NKAIN3: variants seen among roughly 807,000 people sequenced by gnomAD.
NKAIN3 encodes sodium/potassium-transporting ATPase subunit beta-1-interacting protein 3.
In NKAIN3, 25 loss-of-function variants were observed where a neutral mutation model predicts 30.2. The ratio of observed to expected loss-of-function variants is 0.83; its 90% CI spans 0.60 to 1.16. The LOEUF (loss-of-function observed/expected upper bound fraction) is 1.16. Ranked by LOEUF, NKAIN3 falls within the 50% of genes most tolerant of loss-of-function variation. The pLI is 0.00. For missense variants in NKAIN3, 225 were observed against 254.1 expected (o/e 0.89, Z 0.78); for synonymous variants, 91 against 89.6 (o/e 1.02, Z -0.09).
At chr8:62,883,382 G>C (rs1821046245) in intron 4 of NKAIN3, among the ~76,000 whole-genome samples, 1 of 146,876 alleles carries the variant, frequency 6.8e-6, no homozygotes, top group Non-Finnish European at 1.5e-5. Flanking sequence ...ATATAGGAAA[G>C]TGATTGACTT....
chr8:62,970,060 T>TA lies in NKAIN3; in HGVS notation c.*4662dup, dbSNP rs66951140. 4.3e-4 allele frequency among the ~76,000 whole-genome samples: 65 copies of TA among 151,134 alleles called. No individual in the cohort carries two copies. The highest frequency in any genetic ancestry group is 1.2e-3 in the African/African-American group (48 of 41,020). ...AACAAACAAATAAACAAAAAATACC[T>TA]AAAAAAAAATTTAAATTAGCCAAGC... is the stretch of plus-strand genomic sequence containing the variant. On this transcript the variant is annotated 3_prime_UTR_variant, in exon 7 of 7. Transcript: ENST00000623646.
chr8:62,536,021 C>T (rs1386793519), intron 1 of NKAIN3, among the ~76,000 whole-genome samples: 2 of 152,030 alleles, frequency 1.3e-5, no homozygotes, highest in Admixed American at 1.3e-4. Flanking sequence ...AATATATATC[C>T]TAACACCACA....
Position 62,966,389 on chromosome 8 carries a change from A to G in NKAIN3, c.*982A>G. 1 of 984,710 alleles carries G rather than the reference A, an allele frequency of 1.0e-6. No homozygotes were observed. The highest frequency in any genetic ancestry group is 1.2e-6 in the Non-Finnish European group (1 of 829,292). The allele number at this position is 984,710 out of a possible 1,614,324, so 61.0% of individuals were successfully genotyped here. ...TGATATGGGAAGCAATTATCTGTGG[A>G]AAAAAGGACTGTCTTGAAAACGCAT... On this transcript the variant is annotated 3_prime_UTR_variant, in exon 7 of 7. Transcript: ENST00000623646.
intron 3 of NKAIN3, among the ~76,000 whole-genome samples, chr8:62,620,293 A>T (rs1379374543): frequency 6.6e-6 from 1 of 152,094 alleles, no homozygotes; most frequent in Non-Finnish European, 1.5e-5. Flanking sequence ...GGGTCTTATG[A>T]TCTTCACAGG....
intron 1 of NKAIN3, among the ~76,000 whole-genome samples, chr8:62,485,752 G>A (rs750600030): frequency 2.0e-5 from 3 of 152,134 alleles, no homozygotes; most frequent in Admixed American, 6.6e-5. Flanking sequence ...AATCTAAACC[G>A]GACAATGATC....
chr8:62,414,581 TTTTC>T (rs1804372091), intron 1 of NKAIN3, among the ~76,000 whole-genome samples: 1 of 152,098 alleles, frequency 6.6e-6, no homozygotes, highest in African/African-American at 2.4e-5. Flanking sequence ...TTTCTAGATA[TTTTC>T]TATAAATTGG....
At chr8:62,489,224 A>C (rs910893185) in intron 1 of NKAIN3, among the ~76,000 whole-genome samples, 4 of 146,950 alleles carry the variant, frequency 2.7e-5, no homozygotes, top group Middle Eastern at 3.4e-3. Context: ...ATGGGGTTTC[A>C]CCATGTTAGC....
chr8:62,407,546 G>A (rs555006047), intron 1 of NKAIN3, among the ~76,000 whole-genome samples: 15 of 151,934 alleles, frequency 9.9e-5, no homozygotes, highest in South Asian at 8.3e-4. Flanking sequence ...TACAAGGCAC[G>A]CACCACCACA....
intron 4 of NKAIN3, among the ~76,000 whole-genome samples, chr8:62,901,716 C>T (rs1821619556): frequency 6.6e-6 from 1 of 152,136 alleles, no homozygotes; most frequent in African/African-American, 2.4e-5. Flanking sequence ...AGCAGGATTC[C>T]CTACTACGAA....
intron 4 of NKAIN3, among the ~76,000 whole-genome samples, chr8:62,777,173 C>A (rs1257886912): frequency 2.0e-5 from 3 of 152,060 alleles, no homozygotes; most frequent in African/African-American, 7.2e-5. Flanking sequence ...GTTTGAGGAG[C>A]CTTCTTTAGG....
At position 62,479,707 on chromosome 8, in the gene NKAIN3, G is replaced by C. The variant is rs78651669; in HGVS notation, c.55-99832G>C. ...AGAGAGGAGAAAAAAGGTATCTATG[G>C]CCTCTGTGATCCTGAGGATCACGGC... is the stretch of plus-strand genomic sequence containing the variant. On this transcript the variant is annotated intron_variant, in intron 1 of 6. Coordinates refer to ENST00000623646, the MANE Select transcript of NKAIN3 (RefSeq NM_001304533.3). Among the ~76,000 whole-genome samples the C allele has an allele frequency of 1.4e-4, 22 of 152,262 alleles. No individual in the cohort carries two copies. In the East Asian group the frequency reaches 4.3e-3, roughly 29 times the overall value.
intron 3 of NKAIN3, among the ~76,000 whole-genome samples, chr8:62,703,082 A>G (rs1482125973): frequency 2.6e-5 from 4 of 152,112 alleles, no homozygotes; most frequent in Non-Finnish European, 5.9e-5. Context: ...ATATTCCAAA[A>G]TAGCTCATTA....
At chr8:62,417,116 C>T (rs1308590232) in intron 1 of NKAIN3, among the ~76,000 whole-genome samples, 1 of 151,818 alleles carries the variant, frequency 6.6e-6, no homozygotes, top group Non-Finnish European at 1.5e-5. Context: ...ACATCTCCAT[C>T]CTCCTGACTA....
chr8:62,314,168 A>G (rs942952386), intron 1 of NKAIN3, among the ~76,000 whole-genome samples: 2 of 152,176 alleles, frequency 1.3e-5, no homozygotes, highest in Admixed American at 6.5e-5. Context: ...CCATAATGTA[A>G]CACAATATTG....
chr8:62,448,723 C>T (rs959198093), intron 1 of NKAIN3, among the ~76,000 whole-genome samples: 5 of 151,892 alleles, frequency 3.3e-5, no homozygotes, highest in African/African-American at 1.2e-4. Context: ...ATGTGGAAGA[C>T]TATTGCTACA....
chr8:62,549,383 A>T (rs1173544408), intron 1 of NKAIN3, among the ~76,000 whole-genome samples: 1 of 152,030 alleles, frequency 6.6e-6, no homozygotes, highest in African/African-American at 2.4e-5. Context: ...TTTTTGTTTA[A>T]TTTAAAATTT....
chr8:62,277,170 G>A (rs1482223932), intron 1 of NKAIN3, among the ~76,000 whole-genome samples: 1 of 152,116 alleles, frequency 6.6e-6, no homozygotes, highest in Non-Finnish European at 1.5e-5. Flanking sequence ...TGTTATTACA[G>A]AACAAGCATA....
intron 1 of NKAIN3, among the ~76,000 whole-genome samples, chr8:62,490,635 A>G (rs1168565043): frequency 1.3e-5 from 2 of 152,208 alleles, no homozygotes; most frequent in Non-Finnish European, 2.9e-5. Context: ...TTTACTTACA[A>G]GAAAACAGAA....
At chr8:62,289,834 G>T (rs1317382706) in intron 1 of NKAIN3, among the ~76,000 whole-genome samples, 1 of 152,170 alleles carries the variant, frequency 6.6e-6, no homozygotes, top group East Asian at 1.9e-4. Context: ...ACCTTGGGCA[G>T]TATGGCCATT....
Sources: gnomAD v4.1 joint callset for allele counts (sites outside exome capture counted in the v4.1 genomes callset) on GRCh38, gnomAD v4.1.1 for gene constraint, MANE v1.5 for transcripts, NCBI Gene and HGNC (gene_info 2026-07-23, HGNC 2026-07-21) for gene names.